SEMA5B: variants seen among roughly 807,000 people sequenced by gnomAD.
SEMA5B encodes the protein semaphorin 5B, also known as semaphorin-5B.
SEMA5B carries 66 observed loss-of-function variants against 135.0 expected under a neutral mutation model. The observed-to-expected ratio is 0.49, with a 90% CI of 0.40 to 0.60. The LOEUF is 0.60. Among genes scored for constraint, SEMA5B ranks in the 20% least tolerant of loss-of-function variants. The pLI, the probability that SEMA5B is intolerant of heterozygous loss-of-function variation, is 0.00. For synonymous variants in SEMA5B, 690 were observed against 639.5 expected (o/e 1.08, Z -1.19); for missense variants, 1,501 against 1,566.3 (o/e 0.96, Z 0.70).
chr3:123,009,020 G>A (rs1218954205), intron 1 of SEMA5B, among the ~76,000 whole-genome samples: 1 of 152,224 alleles, frequency 6.6e-6, no homozygotes, highest in Non-Finnish European at 1.5e-5. Flanking sequence ...GCTTCCCAGA[G>A]CAGCCTGCTC....
intron 8 of SEMA5B, among the ~76,000 whole-genome samples, chr3:122,926,934 T>A (rs2107652794): frequency 6.6e-6 from 1 of 152,332 alleles, no homozygotes; most frequent in South Asian, 2.1e-4. Flanking sequence ...TGTGGATTAA[T>A]CCAGTCCTTC....
chr3:122,943,157 G>A lies in SEMA5B; in HGVS notation c.428+279C>T, dbSNP rs187020890. On this transcript the variant is annotated intron_variant, in intron 4 of 22. Transcript: ENST00000357599. Reference sequence around the variant, plus strand: ...GCCGGGCAGGGACCAGGCAGGGACCGGGCAGGAGGTGGCCAGCAGGCGTCC... The same window carrying A: ...GCCGGGCAGGGACCAGGCAGGGACCAGGCAGGAGGTGGCCAGCAGGCGTCC... 1.8e-4 allele frequency among the ~76,000 whole-genome samples: 28 copies of A among 152,298 alleles called. No individual in the cohort carries two copies. In the East Asian group the frequency reaches 3.1e-3, roughly 17 times the overall value.
intron 1 of SEMA5B, among the ~76,000 whole-genome samples, chr3:122,999,329 C>T (rs1294650824): frequency 6.6e-6 from 1 of 152,088 alleles, no homozygotes; most frequent in Non-Finnish European, 1.5e-5. Context: ...CGGGTTCAAG[C>T]GATTCTCGTT....
Position 122,915,418 on chromosome 3 carries a change from T to G in SEMA5B, c.1988+22A>C. 3 of 1,592,418 alleles carry G rather than the reference T, an allele frequency of 1.9e-6. No individual in the cohort carries two copies. In the South Asian group the frequency reaches 3.4e-5, roughly 18 times the overall value. ...CCACCCTGGTCCAAGGCAGACACCA[T>G]GTAAACCCTGTCCTCACATACCTGG... On this transcript the variant is annotated intron_variant, in intron 14 of 22. Transcript: ENST00000357599.
rs764767594 is a variant in SEMA5B at position 122,948,666 on chromosome 3, C to G, written c.168G>C (p.Gly56=). The change falls in exon 3 of 23, where the codon GGG becomes GGC. Residue 56 remains glycine (G), a synonymous_variant. Transcript: ENST00000357599. ...CLPPGARTAE[G]PIMVLAGPLA... is the part of the protein sequence containing the mutation. ...GGGGGCCTGCAAGCACCATGATAGGCCCCTCTGCAGTCCTAGCTCCGGGAG... is the reference window on the plus strand; with the variant it reads ...GGGGGCCTGCAAGCACCATGATAGGGCCCTCTGCAGTCCTAGCTCCGGGAG... 8.7e-6 allele frequency: 14 copies of G among 1,612,548 alleles called. No homozygotes were observed. The highest frequency in any genetic ancestry group is 1.3e-5 in the African/African-American group (1 of 74,888).
chr3:122,951,128 G>A (rs1467651608), intron 2 of SEMA5B, among the ~76,000 whole-genome samples: 1 of 152,016 alleles, frequency 6.6e-6, no homozygotes, highest in African/African-American at 2.4e-5. Context: ...TAAGTGGAGG[G>A]GTCTTGTTCT....
At chr3:123,017,868 A>C (rs951020507) in intron 1 of SEMA5B, among the ~76,000 whole-genome samples, 1 of 151,878 alleles carries the variant, frequency 6.6e-6, no homozygotes, top group Non-Finnish European at 1.5e-5. Context: ...AGACTGCATC[A>C]CTGCACTCCA....
intron 7 of SEMA5B, among the ~76,000 whole-genome samples, 196 bp from the exon 8 acceptor site, chr3:122,928,199 A>T (rs1307040087): frequency 6.6e-6 from 1 of 152,144 alleles, no homozygotes; most frequent in Admixed American, 6.5e-5. Flanking sequence ...CAGTAGCTCC[A>T]TCTGCCTCCA....
Position 122,912,250 on chromosome 3 carries a change from G to A in SEMA5B, c.2818C>T (p.Pro940Ser). 1 of 1,612,440 alleles carries A rather than the reference G, an allele frequency of 6.2e-7. No individual in the cohort carries two copies. The highest frequency in any genetic ancestry group is 2.2e-5 in the East Asian group (1 of 44,798). The change falls in exon 19 of 23, where the codon CCC (proline) becomes TCC (serine). Residue 940 changes from proline to serine, a missense_variant. By Grantham distance (74) the Pro-to-Ser change is moderately conservative. Coordinates refer to ENST00000357599, the MANE Select transcript of SEMA5B (RefSeq NM_001031702.4). Reference sequence around the variant, plus strand: ...ATGTCCTCACCTGGGGAGGGTGCGGGGCTGGTGCAGGAACGGGTGCGTTGA... The same window carrying A: ...ATGTCCTCACCTGGGGAGGGTGCGGAGCTGGTGCAGGAACGGGTGCGTTGA... ...HYQRTRSCTS[P>S]APSPGEDICL...
intron 12 of SEMA5B, among the ~76,000 whole-genome samples, chr3:122,917,867 TC>T (rs1372342994): frequency 6.6e-6 from 1 of 152,124 alleles, no homozygotes; most frequent in Non-Finnish European, 1.5e-5. Flanking sequence ...ATCAGTAGAG[TC>T]CATCAAACTG....
At chr3:122,921,406 C>T (rs907963625) in intron 12 of SEMA5B, among the ~76,000 whole-genome samples, 2 of 152,210 alleles carry the variant, frequency 1.3e-5, no homozygotes, top group African/African-American at 4.8e-5. Context: ...AACTCCTCCA[C>T]GTGGCGCCTC....
intron 1 of SEMA5B, among the ~76,000 whole-genome samples, chr3:122,972,740 C>T (rs1168930219): frequency 6.6e-6 from 1 of 152,164 alleles, no homozygotes; most frequent in African/African-American, 2.4e-5. Flanking sequence ...TGGATGGGTC[C>T]TTGCTACTCT....
At chr3:122,964,662 C>T (rs1004507803) in intron 1 of SEMA5B, among the ~76,000 whole-genome samples, 15 of 152,278 alleles carry the variant, frequency 9.9e-5, no homozygotes, top group Middle Eastern at 3.4e-3. Context: ...CAAGGGAACC[C>T]GCTCTTCCTG....
At position 122,977,778 on chromosome 3, in the gene SEMA5B, T is replaced by C. The variant is rs73856783; in HGVS notation, c.-38-16477A>G. Among the ~76,000 whole-genome samples the C allele has an allele frequency of 5.6e-3, 850 of 152,172 alleles. 9 individuals carry two copies. The highest frequency in any genetic ancestry group is 0.018 in the African/African-American group (748 of 41,494). On this transcript the variant is annotated intron_variant, in intron 1 of 22. Transcript: ENST00000357599. Reference sequence around the variant, plus strand: ...TGGGGAGAACCAATTAAAATGCAGGTCTCCAGGCCCCACCCCAGAGATTCT... The same window carrying C: ...TGGGGAGAACCAATTAAAATGCAGGCCTCCAGGCCCCACCCCAGAGATTCT...
intron 12 of SEMA5B, 104 bp from the exon 13 acceptor site, chr3:122,915,994 A>T (rs749487990): frequency 8.7e-6 from 7 of 808,890 alleles, no homozygotes; most frequent in Non-Finnish European, 1.5e-5. Flanking sequence ...CTTTCCATCC[A>T]TTTGTCCTCC....
At chr3:122,981,229 A>G (rs1376122036) in intron 1 of SEMA5B, among the ~76,000 whole-genome samples, 1 of 152,244 alleles carries the variant, frequency 6.6e-6, no homozygotes, top group African/African-American at 2.4e-5. Flanking sequence ...TGTGCATAAC[A>G]TAAGAGACAC....
At chr3:123,007,040 T>C (rs1320061004) in intron 1 of SEMA5B, among the ~76,000 whole-genome samples, 1 of 151,994 alleles carries the variant, frequency 6.6e-6, no homozygotes, top group Non-Finnish European at 1.5e-5. Flanking sequence ...GAGAGGGTGG[T>C]AATGTTTAGA....
intron 18 of SEMA5B, 68 bp from the exon 19 acceptor site, chr3:122,912,410 T>A: frequency 7.1e-7 from 1 of 1,409,412 alleles, no homozygotes; most frequent in African/African-American, 1.4e-5. Context: ...TTCCATCCCA[T>A]ACCAGCCCAG....
intron 1 of SEMA5B, among the ~76,000 whole-genome samples, chr3:123,000,205 C>T (rs1204126293): frequency 6.6e-6 from 1 of 152,140 alleles, no homozygotes; most frequent in East Asian, 1.9e-4. Flanking sequence ...AAGACTCTGT[C>T]TCAAAAACAA....
Sources: allele counts gnomAD v4.1 joint callset (sites outside exome capture counted in the v4.1 genomes callset), GRCh38; gene constraint gnomAD v4.1.1; transcripts MANE v1.5; gene names NCBI Gene and HGNC (gene_info 2026-07-23, HGNC 2026-07-21).